The following ARMCX4 variants were observed in gnomAD, a reference collection of about 807,000 sequenced individuals.
The protein encoded by ARMCX4 is armadillo repeat containing X-linked 4.
In ARMCX4, 3 loss-of-function variants were observed where a neutral mutation model predicts 34.7. That is an observed-to-expected ratio of 0.09 (90% confidence interval 0.04 to 0.22). The LOEUF is 0.22. Among genes scored for constraint, ARMCX4 ranks in the 10% least tolerant of loss-of-function variants. ARMCX4 has a pLI of 1.00. For missense variants in ARMCX4, 1,448 were observed against 1,720.8 expected (o/e 0.84, Z 2.81); for synonymous variants, 513 against 632.8 (o/e 0.81, Z 2.84).
intron 4 of ARMCX4, among the ~76,000 whole-genome samples, chrX:101,467,499 A>G (rs781881045): frequency 9.4e-4 from 105 of 112,224 alleles, no homozygotes; most frequent in Non-Finnish European, 1.4e-3. Context: ...CAAAGCATCT[A>G]TCTCAAGGAG....
Position 101,495,698 on chromosome X carries a change from A to G in ARMCX4, c.*236A>G. 3.4e-6 allele frequency: 1 copy of G among 296,552 alleles called. No individual in the cohort carries two copies. The highest frequency in any genetic ancestry group is 5.9e-6 in the Non-Finnish European group (1 of 170,856). The allele number at this position is 296,552 out of a possible 1,213,427, so 24.4% of individuals were successfully genotyped here. A position where few individuals can be genotyped will look rare whatever the true frequency, so the allele number is the denominator to read the frequency against. On this transcript the variant is annotated 3_prime_UTR_variant, in exon 6 of 6. Coordinates refer to ENST00000423738, the MANE Select transcript of ARMCX4 (RefSeq NM_001256155.3). ...TGCTTCATGAGCAGAAACTGAATGG[A>G]TTCTTCATAAGTAAGGTAATCTTTG... is the stretch of plus-strand genomic sequence containing the variant.
intron 2 of ARMCX4, among the ~76,000 whole-genome samples, chrX:101,440,027 T>C (rs1430088269): frequency 1.8e-5 from 2 of 112,221 alleles, no homozygotes; most frequent in African/African-American, 3.2e-5. Context: ...TGAGGAGCTG[T>C]GTTCCTTTGG....
At position 101,492,454 on chromosome X, in the gene ARMCX4, G is replaced by A; in HGVS notation, c.3865G>A (p.Val1289Ile). Reference sequence around the variant, plus strand: ...AGCTGGGGCTGGGAATATGAGTAGTGTTTCATACTGGGCTGGGGTTGTGGA... The same window carrying A: ...AGCTGGGGCTGGGAATATGAGTAGTATTTCATACTGGGCTGGGGTTGTGGA... ...AGAGAGNMSSVSYWAGVVDQA... is the reference protein window; with the variant it reads ...AGAGAGNMSSISYWAGVVDQA... Residue 1289 changes from valine (V) to isoleucine (I), a missense_variant, in exon 6 of 6, where the codon GTT (valine) becomes ATT (isoleucine). This residue lies in a region of ARMCX4 where 1,343 missense variants were observed against 1,540.7 expected (regional missense o/e 0.87). Coordinates refer to ENST00000423738, the MANE Select transcript of ARMCX4 (RefSeq NM_001256155.3). 4 of 1,153,286 alleles carry A rather than the reference G, an allele frequency of 3.5e-6. No individual in the cohort carries two copies. Among genetic ancestry groups the A allele is most frequent in the Non-Finnish European group, 3.4e-6 (3 of 871,822 alleles).
rs1934041073 is a variant in ARMCX4, at chrX:101,492,949, G to T, written c.4360G>T (p.Gly1454Trp). Residue 1454 changes from glycine (G) to tryptophan (W), a missense_variant, in exon 6 of 6, where the codon GGG becomes TGG. By Grantham distance (184) the Gly-to-Trp change is radical (BLOSUM62 -2). Around this residue, in one of 2 missense-constraint regions of ARMCX4, gnomAD observed 1,343 missense variants for 1,540.7 expected, o/e 0.87. Transcript: ENST00000423738. ...CAATGGAGGGTCCTGGACTGGGGCT[G>T]GGCATCCAGCTAGTGTTGGGCCAAA... ...QANGGSWTGA[G>W]HPASVGPKPI... is the part of the protein sequence containing the mutation. 1 of 1,153,852 alleles carries T rather than the reference G, an allele frequency of 8.7e-7. No homozygotes were observed. The highest frequency in any genetic ancestry group is 1.1e-6 in the Non-Finnish European group (1 of 872,088).
At chrX:101,444,194 G>C (rs1463582203) in intron 3 of ARMCX4, 5 of 232,996 alleles carry the variant, frequency 2.1e-5, no homozygotes, top group African/African-American at 1.4e-4. Flanking sequence ...GTCTCTGTGT[G>C]TCAGCGGCAT....
At chrX:101,526,176 A>G (rs1286802576) in intron 11 of ARMCX4, among the ~76,000 whole-genome samples, 14 of 112,194 alleles carry the variant, frequency 1.2e-4, no homozygotes, top group African/African-American at 4.5e-4. Flanking sequence ...GGGGGCCAAT[A>G]TTCAACATTC....
intron 2 of ARMCX4, among the ~76,000 whole-genome samples, chrX:101,431,058 A>T (rs2179669): frequency 9.0e-6 from 1 of 110,503 alleles, no homozygotes; most frequent in Non-Finnish European, 1.9e-5. Context: ...ACTCCGAAGG[A>T]TCTAAGGCTC....
chrX:101,470,414 G>A (rs1195998351), intron 4 of ARMCX4, among the ~76,000 whole-genome samples: 1 of 110,658 alleles, frequency 9.0e-6, no homozygotes, highest in Non-Finnish European at 1.9e-5. Flanking sequence ...CTGGGTTCAA[G>A]TGATTCTTAT....
chrX:101,479,484 C>CTT (rs782507937), intron 4 of ARMCX4, among the ~76,000 whole-genome samples: 3 of 98,860 alleles, frequency 3.0e-5, no homozygotes, highest in African/African-American at 1.1e-4. Context: ...CTATAAATTC[C>CTT]TTTTTTTTTT....
chrX:101,458,408 C>T (rs180720377), intron 4 of ARMCX4, among the ~76,000 whole-genome samples: 2 of 110,929 alleles, frequency 1.8e-5, no homozygotes, highest in East Asian at 2.8e-4. Context: ...ATTACCATTT[C>T]GTTATGCTTC....
At chrX:101,473,234 G>T (rs1318538870) in intron 4 of ARMCX4, among the ~76,000 whole-genome samples, 3 of 110,491 alleles carry the variant, frequency 2.7e-5, no homozygotes, top group Non-Finnish European at 5.7e-5. Context: ...ATGGTAAAGG[G>T]ATCAATTCAA....
intron 2 of ARMCX4, among the ~76,000 whole-genome samples, chrX:101,433,375 T>C (rs945774057): frequency 4.6e-5 from 5 of 109,590 alleles, no homozygotes; most frequent in Admixed American, 3.9e-4. Flanking sequence ...TAAACATATG[T>C]ACATATATGT....
chrX:101,506,396 T>C (rs1934451271), intron 8 of ARMCX4, among the ~76,000 whole-genome samples: 1 of 111,520 alleles, frequency 9.0e-6, no homozygotes, highest in Non-Finnish European at 1.9e-5. Context: ...CAGAAACTTA[T>C]TTGCTGGAGG....
At chrX:101,483,227 A>G (rs1556005782), upstream of ARMCX4, among the ~76,000 whole-genome samples, 1 of 104,593 alleles carries the variant, frequency 9.6e-6, no homozygotes, top group East Asian at 2.9e-4. Flanking sequence ...AAGCATTGCG[A>G]AAAAAAAAAA....
chrX:101,462,659 A>G (rs1273986449), intron 4 of ARMCX4, among the ~76,000 whole-genome samples: 2 of 109,249 alleles, frequency 1.8e-5, no homozygotes, highest in Non-Finnish European at 3.8e-5. Flanking sequence ...AAAAAAAGAT[A>G]AAAATTTGTA....
At chrX:101,437,439 G>A (rs1898350264) in intron 2 of ARMCX4, among the ~76,000 whole-genome samples, 1 of 112,100 alleles carries the variant, frequency 8.9e-6, no homozygotes, top group East Asian at 2.8e-4. Context: ...GCGTAGAGGT[G>A]TTTATAGTAT....
At chrX:101,497,414 T>A (rs1934203187), downstream of ARMCX4, among the ~76,000 whole-genome samples, 1 of 110,069 alleles carries the variant, frequency 9.1e-6, no homozygotes, top group Admixed American at 9.7e-5. Flanking sequence ...TTTTTTTGTA[T>A]TTTTAGTAGA....
At chrX:101,431,478 T>C (rs1295155139) in intron 2 of ARMCX4, among the ~76,000 whole-genome samples, 4 of 112,436 alleles carry the variant, frequency 3.6e-5, no homozygotes, top group Non-Finnish European at 7.5e-5. Flanking sequence ...GTTTACAGTG[T>C]TTCCTAATTC....
At chrX:101,447,809 A>G (rs2147577991), downstream of ARMCX4, 1 of 111,810 alleles carries the variant, frequency 8.9e-6, no homozygotes, top group African/African-American at 3.2e-5. Flanking sequence ...GGTACCCATC[A>G]CATCAAGCAT....
Sources: gnomAD v4.1 joint callset for allele counts (sites outside exome capture counted in the v4.1 genomes callset) on GRCh38, gnomAD v4.1.1 for gene constraint, gnomAD v4.1.1 regional missense constraint, MANE v1.5 for transcripts, NCBI Gene and HGNC (gene_info 2026-07-23, HGNC 2026-07-21) for gene names.